GPS1: variants seen among roughly 807,000 people sequenced by gnomAD.
GPS1 encodes COP9 signalosome complex subunit 1.
In GPS1, 11 loss-of-function variants were observed where a neutral mutation model predicts 60.0. The ratio of observed to expected loss-of-function variants is 0.18; its 90% confidence interval spans 0.12 to 0.30. GPS1 has a LOEUF of 0.30. Ranked by LOEUF, GPS1 falls within the 10% of genes least tolerant of loss-of-function variation. The pLI is 1.00. For synonymous variants in GPS1, 343 were observed against 269.8 expected (o/e 1.27, Z -2.66); for missense variants, 543 against 669.2 (o/e 0.81, Z 2.08).
rs1265637998 is a variant in GPS1, at chr17:82,054,681, C to A, written c.480C>A (p.Gly160=). The change falls in exon 4 of 13, where the codon GGC becomes GGA. Residue 160 remains glycine (G), a synonymous_variant. Coordinates refer to ENST00000578552, the MANE Select transcript of GPS1 (RefSeq NM_001321092.3). ...GNSIKESIRR[G]HDDLGDHYLD... is the part of the protein sequence containing the mutation. ...CCATCAAAGAGAGCATCCGGCGCGG[C>A]CACGACGACCTGGGCGACCACTACC... The A allele has an allele frequency of 1.9e-6, 3 of 1,611,720 alleles. No individual in the cohort carries two copies.
chr17:82,055,181 G>T lies in GPS1; in HGVS notation c.707G>T (p.Ser236Ile). 6.4e-7 allele frequency: 1 copy of T among 1,561,704 alleles called. No individual in the cohort carries two copies. Among genetic ancestry groups the T allele is most frequent in the Admixed American group, 1.9e-5 (1 of 52,570 alleles). The change falls in exon 6 of 13, where the codon AGC (serine) becomes ATC (isoleucine). Residue 236 changes from serine to isoleucine, a missense_variant. This residue lies in a region of GPS1 where 291 missense variants were observed against 353.7 expected (regional missense o/e 0.82). Transcript: ENST00000578552. ...CTACAGCAGCGAGGAGAGCGTGACA[G>T]CCAGACCCAGGCCATCCTCACCAAG... ...EIAEQRGERD[S>I]QTQAILTKLK...
In GPS1 at chr17:82,054,925, CAT is replaced by C. The variant is rs756585207; in HGVS notation, c.638_639del (p.His213ArgfsTer9). On this transcript the variant is annotated frameshift_variant, in exon 5 of 13. Transcript: ENST00000578552. LOFTEE classifies it high-confidence loss of function. ...KVSVYLQNWSHVLSYVSKAES... is the reference protein window; with the variant it reads ...KVSVYLQNWSXVLSYVSKAES... Reference sequence around the variant, plus strand: ...CAGCGTCTACTTGCAGAATTGGTCTCATGTGCTCAGCTACGTCAGCAAGGCTG... The same window carrying C: ...CAGCGTCTACTTGCAGAATTGGTCTCGTGCTCAGCTACGTCAGCAAGGCTG... 4 of 1,607,728 alleles carry C rather than the reference CAT, an allele frequency of 2.5e-6. No homozygotes were observed. The highest frequency in any genetic ancestry group is 3.4e-6 in the Non-Finnish European group (4 of 1,176,826).
chr17:82,055,003 C>A (rs550400070), intron 5 of GPS1, 28 bp downstream of exon 5: 21 of 1,611,972 alleles, frequency 1.3e-5, no homozygotes, highest in Non-Finnish European at 1.7e-5. Flanking sequence ...AGAGACCTTG[C>A]CCCCAGGATT....
At chr17:82,051,470 G>A, upstream of GPS1, 2 of 1,348,482 alleles carry the variant, frequency 1.5e-6, no homozygotes, top group Non-Finnish European at 9.5e-7. This position sits in a 1 kb window ranked among gnomAD's most constrained non-coding sequence, Gnocchi z 4.1. Flanking sequence ...TGGGCGTGGG[G>A]CTCGCCGTCG....
chr17:82,055,088 TCA>T, intron 5 of GPS1, 72 bp from the exon 6 acceptor site: 2 of 1,570,444 alleles, frequency 1.3e-6, no homozygotes, highest in Non-Finnish European at 1.7e-6. Flanking sequence ...TCATCCCCTC[TCA>T]GTCTGGGGGC....
chr17:82,051,286 A>T, upstream of GPS1: 2 of 1,378,624 alleles, frequency 1.5e-6, no homozygotes, highest in Non-Finnish European at 1.9e-6. This position sits in a 1 kb window ranked among gnomAD's most constrained non-coding sequence, Gnocchi z 4.1. Context: ...GGAGTGGGGG[A>T]CACTCACCGC....
chr17:82,052,582 A>G (rs2031113614), intron 1 of GPS1: 2 of 1,210,046 alleles, frequency 1.7e-6, no homozygotes, highest in South Asian at 3.1e-5. Context: ...CAAGCGCAGG[A>G]GGGGAGGGAG....
rs1045834282 is a variant in GPS1 at position 82,057,247 on chromosome 17, C to A, written c.*120C>A. The A allele has an allele frequency of 1.7e-5, 23 of 1,314,560 alleles. No individual in the cohort carries two copies. Among genetic ancestry groups the A allele is most frequent in the Non-Finnish European group, 2.4e-5 (22 of 924,976 alleles). The allele number at this position is 1,314,560 out of a possible 1,614,324, so 81.4% of individuals were successfully genotyped here. A position where few individuals can be genotyped will look rare whatever the true frequency, so the allele number is the denominator to read the frequency against. ...AAGGGGCCTGGCCACTGGGTGCCAC[C>A]CAGCCTGTGTGCCCTCCCTGGGGCT... On this transcript the variant is annotated 3_prime_UTR_variant, in exon 13 of 13. Coordinates refer to ENST00000578552, the MANE Select transcript of GPS1 (RefSeq NM_001321092.3).
rs183537353 is a variant in GPS1 at position 82,056,709 on chromosome 17, G to A, written c.1197G>A (p.Glu399=). Residue 399 remains glutamate (E), a synonymous_variant, in exon 11 of 13, where the codon GAG becomes GAA. Transcript: ENST00000578552. ...FNTTVAALED[E]LTQLILEGLI... is the part of the protein sequence containing the mutation. The stretch of plus-strand genomic sequence containing the variant: ...CCACGGTGGCCGCCCTGGAGGACGA[G>A]CTGACGCAGCTAATCCTGGAGGGGC... 989 of 1,591,108 alleles carry A rather than the reference G, an allele frequency of 6.2e-4. 10 individuals are homozygous for A. The East Asian group carries it at 0.02, about 33-fold the overall frequency.
At chr17:82,051,216 G>A, upstream of GPS1, 2 of 1,309,362 alleles carry the variant, frequency 1.5e-6, no homozygotes, top group Non-Finnish European at 2.0e-6. The surrounding 1 kb of genome is among the most constrained non-coding windows in gnomAD (Gnocchi z 4.1). Context: ...ACCCACAGCA[G>A]CGAAGGGGCC....
In GPS1 at chr17:82,055,981, G is replaced by A. The variant is rs779645364; in HGVS notation, c.835-20G>A. The stretch of plus-strand genomic sequence containing the variant: ...GGCCTGGCCCTTCACTGCCTGTGAC[G>A]CCAGGTCTCTGCTCCTCAGCTGCTG... On this transcript the variant is annotated intron_variant, in intron 7 of 12. Coordinates refer to ENST00000578552, the MANE Select transcript of GPS1 (RefSeq NM_001321092.3). 34 of 1,581,634 alleles carry A rather than the reference G, an allele frequency of 2.1e-5. No individual in the cohort carries two copies. In the East Asian group the frequency reaches 3.8e-4, roughly 18 times the overall value.
Position 82,056,074 on chromosome 17 carries a change from A to G in GPS1, c.908A>G (p.Gln303Arg), listed in dbSNP as rs752441909. The G allele has an allele frequency of 6.2e-7, 1 of 1,612,314 alleles. No individual in the cohort carries two copies. The highest frequency in any genetic ancestry group is 8.5e-7 in the Non-Finnish European group (1 of 1,179,646). ...ALATFDRQEL[Q>R]RNVISSSSFK... ...GCTACCTTTGACCGGCAGGAGCTGC[A>G]GCGCAATGTCATCTCCAGCAGGTAG... The change falls in exon 8 of 13, where the codon CAG becomes CGG. Residue 303 changes from glutamine (Q) to arginine (R), a missense_variant. This residue lies in a region of GPS1 where 291 missense variants were observed against 353.7 expected (regional missense o/e 0.82). Coordinates refer to ENST00000578552, the MANE Select transcript of GPS1 (RefSeq NM_001321092.3).
chr17:82,056,121 G>C (rs767912905), intron 8 of GPS1, 26 bp downstream of exon 8: 28 of 1,571,360 alleles, frequency 1.8e-5, no homozygotes, highest in Non-Finnish European at 2.4e-5. Context: ...CTGCAGCCCT[G>C]AAGGCTGTCC....
At chr17:82,051,769 G>A (rs2030664245), upstream of GPS1, 1 of 1,102,136 alleles carries the variant, frequency 9.1e-7, no homozygotes, top group Non-Finnish European at 1.1e-6. The surrounding 1 kb of genome is among the most constrained non-coding windows in gnomAD (Gnocchi z 4.1). Flanking sequence ...CGGCTCATGC[G>A]GCCGCCGGGA....
Position 82,054,548 on chromosome 17 carries a change from G to A in GPS1, c.347G>A (p.Gly116Asp), listed in dbSNP as rs1246085407. 1.9e-6 allele frequency: 3 copies of A among 1,576,512 alleles called. No individual in the cohort carries two copies. Among genetic ancestry groups the A allele is most frequent in the Non-Finnish European group, 2.6e-6 (3 of 1,161,902 alleles). ...GCACCCGACGCCATCCCTGAGAGCG[G>A]CGTGGAGCCCCCAGCCCTGGACACG... ...QNAPDAIPES[G>D]VEPPALDTAW... Residue 116 changes from glycine to aspartate, a missense_variant, in exon 4 of 13, where the codon GGC (glycine) becomes GAC (aspartate). Gly to Asp is a moderately conservative substitution (Grantham distance 94). Coordinates refer to ENST00000578552, the MANE Select transcript of GPS1 (RefSeq NM_001321092.3).
Position 82,053,334 on chromosome 17 carries a change from G to T in GPS1, c.94G>T (p.Asp32Tyr). 1 of 1,539,740 alleles carries T rather than the reference G, an allele frequency of 6.5e-7. No homozygotes were observed. The change falls in exon 2 of 13, where the codon GAC becomes TAC. Residue 32 changes from aspartate to tyrosine, a missense_variant. Transcript: ENST00000578552. ...CCAGGAAGACCCGCAGAATGCACCT[G>T]ACGTCAACTACGTGGTGGAGAACCC... ...DPQEDPQNAP[D>Y]VNYVVENPSL...
At chr17:82,053,688 C>CCAG in intron 2 of GPS1, 180 bp from the exon 3 acceptor site, 1 of 650,486 alleles carries the variant, frequency 1.5e-6, no homozygotes, top group Non-Finnish European at 2.6e-6. Flanking sequence ...CAGGCCCACC[C>CCAG]CAGCGGTCTT....
chr17:82,052,636 G>A (rs1341513353), intron 1 of GPS1: 5 of 758,202 alleles, frequency 6.6e-6, no homozygotes, highest in Non-Finnish European at 1.0e-5. Context: ...AGCTCTTGGT[G>A]CTTTTCCCGA....
In GPS1 at chr17:82,056,830, G is replaced by A; in HGVS notation, c.1255-10G>A. On this transcript the variant is annotated splice_polypyrimidine_tract_variant and intron_variant, in intron 11 of 12. Coordinates refer to ENST00000578552, the MANE Select transcript of GPS1 (RefSeq NM_001321092.3). ...TGAGCCTGGGCCCCGCTGAGCTTGT[G>A]CCTGCACAGATCCTATACGCCCGGG... The A allele has an allele frequency of 6.2e-7, 1 of 1,612,216 alleles. No homozygotes were observed. The highest frequency in any genetic ancestry group is 8.5e-7 in the Non-Finnish European group (1 of 1,179,788).
Sources: gnomAD v4.1 joint callset for allele counts on GRCh38, gnomAD v4.1.1 for gene constraint, gnomAD v4.1.1 regional missense constraint, Gnocchi (gnomAD v3.1) non-coding constraint, MANE v1.5 for transcripts, NCBI Gene and HGNC (gene_info 2026-07-23, HGNC 2026-07-21) for gene names.